Variants in SLC4A10 observed in about 807,000 individuals in gnomAD.
The protein encoded by SLC4A10 is sodium-driven chloride bicarbonate exchanger.
SLC4A10 carries 42 observed loss-of-function variants against 137.7 expected under a neutral mutation model. That is an observed-to-expected ratio of 0.30 (90% CI 0.24 to 0.39). The LOEUF is 0.39. Ranked by LOEUF, SLC4A10 falls within the 10% of genes least tolerant of loss-of-function variation. The pLI, the probability that SLC4A10 is intolerant of heterozygous loss-of-function variation, is 1.00. For synonymous variants in SLC4A10, 474 were observed against 464.1 expected, an observed-to-expected ratio of 1.02 and a Z score of -0.27; for missense variants, 925 against 1,355.0, an observed-to-expected ratio of 0.68 and a Z score of 4.98.
Position 161,882,390 on chromosome 2 carries a change from G to A in SLC4A10, c.1140G>A (p.Lys380=), listed in dbSNP as rs1393221558. ...FLFILLGPLG[K]GQQYHEIGRS... is the part of the protein sequence containing the mutation. ...TCATTCTTCTGGGACCCCTGGGAAA[G>A]GGTCAACAGTACCATGAGATTGGCA... The change falls in exon 10 of 27, where the codon AAG becomes AAA. Residue 380 remains lysine (K), a synonymous_variant. Coordinates refer to ENST00000446997, the MANE Select transcript of SLC4A10 (RefSeq NM_001178015.2). The A allele has an allele frequency of 2.5e-6, 4 of 1,594,294 alleles. No homozygotes were observed. Among genetic ancestry groups the A allele is most frequent in the Non-Finnish European group, 3.4e-6 (4 of 1,170,056 alleles).
intron 15 of SLC4A10, among the ~76,000 whole-genome samples, chr2:161,919,074 G>C (rs527652189): frequency 6.6e-6 from 1 of 152,194 alleles, no homozygotes; most frequent in Non-Finnish European, 1.5e-5. Context: ...GAGCAAAGTT[G>C]TGGCCAAGCC....
At chr2:161,744,923 A>G (rs1317179011) in intron 1 of SLC4A10, among the ~76,000 whole-genome samples, 1 of 152,150 alleles carries the variant, frequency 6.6e-6, no homozygotes, top group Non-Finnish European at 1.5e-5. Context: ...TTTGTCTGTT[A>G]CCAGTGAGTT....
rs546473029 is a variant in SLC4A10 at position 161,786,308 on chromosome 2, G to A, written c.130+15254G>A. 6.6e-5 allele frequency among the ~76,000 whole-genome samples: 10 copies of A among 151,572 alleles called. No homozygotes were observed. The South Asian group carries it at 1.7e-3, about 25-fold the overall frequency. On this transcript the variant is annotated intron_variant, in intron 2 of 26. Coordinates refer to ENST00000446997, the MANE Select transcript of SLC4A10 (RefSeq NM_001178015.2). ...TCCACTCCTTTACTTTGAGCCTGTG[G>A]GTGTCCTTTCACATTAGATGGATCT... is the stretch of plus-strand genomic sequence containing the variant.
chr2:161,719,184 G>T (rs1284415903), intron 1 of SLC4A10, among the ~76,000 whole-genome samples: 2 of 152,144 alleles, frequency 1.3e-5, no homozygotes, highest in Non-Finnish European at 1.5e-5. Context: ...ATAGGTTGCT[G>T]AGAATGATGG....
chr2:161,670,011 T>C (rs2039508946), intron 1 of SLC4A10, among the ~76,000 whole-genome samples: 1 of 152,168 alleles, frequency 6.6e-6, no homozygotes, highest in Non-Finnish European at 1.5e-5. Flanking sequence ...TGTGTCTTGC[T>C]GTTTCTCTGA....
chr2:161,956,008 A>C (rs982257496), intron 19 of SLC4A10, among the ~76,000 whole-genome samples: 3 of 152,178 alleles, frequency 2.0e-5, no homozygotes, highest in Non-Finnish European at 4.4e-5. Flanking sequence ...AAACTAGAGG[A>C]AATACTGAGA....
At chr2:161,833,724 T>A (rs1297987678) in intron 3 of SLC4A10, among the ~76,000 whole-genome samples, 2 of 152,250 alleles carry the variant, frequency 1.3e-5, no homozygotes, top group African/African-American at 4.8e-5. Flanking sequence ...AGTCAGAGAG[T>A]CATGCACTTT....
intron 23 of SLC4A10, among the ~76,000 whole-genome samples, chr2:161,970,725 T>G (rs1698379039): frequency 6.6e-6 from 1 of 152,254 alleles, no homozygotes. Context: ...CTAAAGGTAA[T>G]TAAAGGATAA....
chr2:161,898,101 G>A (rs1478181643), intron 11 of SLC4A10, among the ~76,000 whole-genome samples: 1 of 152,062 alleles, frequency 6.6e-6, no homozygotes, highest in East Asian at 1.9e-4. Context: ...TCCGAGTTCT[G>A]CAATTATCTA....
intron 5 of SLC4A10, among the ~76,000 whole-genome samples, chr2:161,858,354 G>T (rs1467012720): frequency 6.6e-6 from 1 of 152,040 alleles, no homozygotes; most frequent in Non-Finnish European, 1.5e-5. Context: ...TTCCTTAAGA[G>T]ATTTTTGTAG....
intron 2 of SLC4A10, among the ~76,000 whole-genome samples, chr2:161,794,869 A>C (rs928293744): frequency 1.3e-5 from 2 of 152,040 alleles, no homozygotes; most frequent in African/African-American, 4.8e-5. Context: ...TGTAACTGGC[A>C]CTGGTGAGCT....
intron 1 of SLC4A10, among the ~76,000 whole-genome samples, chr2:161,694,741 A>G: frequency 6.6e-6 from 1 of 152,054 alleles, no homozygotes; most frequent in East Asian, 1.9e-4. Context: ...CCCAATTTTA[A>G]ATTGAAATGG....
In SLC4A10 at chr2:161,957,320, T is replaced by C. The variant is rs1326711125; in HGVS notation, c.2793+80T>C. 4.1e-6 allele frequency: 6 copies of C among 1,470,022 alleles called. No homozygotes were observed. In the African/African-American group the frequency reaches 5.6e-5, roughly 14 times the overall value. 91.1% of individuals were successfully genotyped at this position (1,470,022 alleles called of 1,614,324 possible). ...AAAATTTTCATTTGAATCTGAGCCA[T>C]AAATTTGCAAATATTGTGTGGCATG... is the stretch of plus-strand genomic sequence containing the variant. On this transcript the variant is annotated intron_variant, in intron 20 of 26. Coordinates refer to ENST00000446997, the MANE Select transcript of SLC4A10 (RefSeq NM_001178015.2).
chr2:161,815,031 A>G (rs1233946711), intron 3 of SLC4A10, among the ~76,000 whole-genome samples: 1 of 152,202 alleles, frequency 6.6e-6, no homozygotes, highest in Non-Finnish European at 1.5e-5. Flanking sequence ...CAAAAATAGT[A>G]AAAATAAATT....
chr2:161,832,447 G>C (rs1268533140), intron 3 of SLC4A10, among the ~76,000 whole-genome samples: 1 of 152,184 alleles, frequency 6.6e-6, no homozygotes, highest in African/African-American at 2.4e-5. Flanking sequence ...AATAGACTTT[G>C]AAAGAAGTCC....
intron 2 of SLC4A10, among the ~76,000 whole-genome samples, chr2:161,801,808 A>T (rs952600243): frequency 1.3e-5 from 2 of 152,108 alleles, no homozygotes; most frequent in African/African-American, 2.4e-5. Context: ...TGATATAGCT[A>T]CTAATATTTT....
intron 3 of SLC4A10, among the ~76,000 whole-genome samples, chr2:161,836,578 A>G (rs1455869815): frequency 7.0e-5 from 9 of 128,776 alleles, no homozygotes; most frequent in African/African-American, 2.0e-4. Flanking sequence ...GAAAGAAAGA[A>G]AGAAAGAAAG....
At position 161,894,843 on chromosome 2, in the gene SLC4A10, C is replaced by T; in HGVS notation, c.1341+18C>T. On this transcript the variant is annotated intron_variant, in intron 11 of 26. Coordinates refer to ENST00000446997, the MANE Select transcript of SLC4A10 (RefSeq NM_001178015.2). ...CTTCCCAGGTATGTATATTTGAAGA[C>T]ATTCTTTGAAATTGAATTTTTTTTT... is the stretch of plus-strand genomic sequence containing the variant. The T allele has an allele frequency of 7.5e-7, 1 of 1,326,974 alleles. No individual in the cohort carries two copies. The highest frequency in any genetic ancestry group is 1.5e-5 in the African/African-American group (1 of 65,930). 82.2% of individuals were successfully genotyped at this position (1,326,974 alleles called of 1,614,324 possible). A position where few individuals can be genotyped will look rare whatever the true frequency, so the allele number is the denominator to read the frequency against.
chr2:161,844,863 T>C (rs1419496867), intron 4 of SLC4A10, among the ~76,000 whole-genome samples: 2 of 152,074 alleles, frequency 1.3e-5, no homozygotes, highest in Non-Finnish European at 2.9e-5. Context: ...GATCCAGACA[T>C]ACTGAAGGAA....
Sources: gnomAD v4.1 joint callset for allele counts (sites outside exome capture counted in the v4.1 genomes callset) on GRCh38, gnomAD v4.1.1 for gene constraint, MANE v1.5 for transcripts, NCBI Gene and HGNC (gene_info 2026-07-23, HGNC 2026-07-21) for gene names.